The following ROS1 variants were observed in gnomAD, a reference collection of about 807,000 sequenced individuals.
The protein encoded by ROS1 is ROS proto-oncogene 1, receptor tyrosine kinase, also known as proto-oncogene tyrosine-protein kinase ROS.
A neutral mutation model predicts 273.5 loss-of-function variants in ROS1; 263 were observed. That is an observed-to-expected ratio of 0.96 (90% confidence interval 0.87 to 1.06). The LOEUF (loss-of-function observed/expected upper bound fraction) is 1.06, where lower values mean the gene tolerates loss of function less well. Ranked by LOEUF, ROS1 falls within the 50% of genes least tolerant of loss-of-function variation. ROS1 has a pLI of 0.00. For missense variants in ROS1, 2,833 were observed against 2,751.1 expected, an observed-to-expected ratio of 1.03 and a Z score of -0.67; for synonymous variants, 1,008 against 954.1, an observed-to-expected ratio of 1.06 and a Z score of -1.04.
At position 117,337,340 on chromosome 6, in the gene ROS1, A is replaced by G. The variant is rs112475836; in HGVS notation, c.5062T>C (p.Trp1688Arg). The change falls in exon 32 of 44, where the codon TGG (tryptophan) becomes CGG (arginine). Residue 1688 changes from tryptophan to arginine, a missense_variant and splice_region_variant. Transcript: ENST00000368507. ...ACATGGTAAAACTCATTGTATTTCC[A>G]CTAGAAAAAGAAGTCTCGATTAATA... ...LIRFWVELQKWKYNEFYHVKT... is the reference protein window; with the variant it reads ...LIRFWVELQKRKYNEFYHVKT... The G allele has an allele frequency of 6.3e-7, 1 of 1,587,722 alleles. No individual in the cohort carries two copies. Among genetic ancestry groups the G allele is most frequent in the Non-Finnish European group, 8.5e-7 (1 of 1,171,792 alleles).
In ROS1 at chr6:117,387,990, G is replaced by A. The variant is rs1438247113; in HGVS notation, c.1789C>T (p.Pro597Ser). 7.4e-6 allele frequency: 12 copies of A among 1,614,090 alleles called. 1 individual carries two copies. Among genetic ancestry groups the A allele is most frequent in the East Asian group, 2.2e-5 (1 of 44,880 alleles). The change falls in exon 14 of 44, where the codon CCT becomes TCT. Residue 597 changes from proline to serine, a missense_variant and splice_region_variant. Pro to Ser is a moderately conservative substitution (Grantham distance 74). Coordinates refer to ENST00000368507, the MANE Select transcript of ROS1 (RefSeq NM_001378902.1). ...TAGGTCCAGTTCTGCCAGGCAGAAG[G>A]GCCTAATTCAAAGAGTTCAATAATA... is the stretch of plus-strand genomic sequence containing the variant. ...KPPALAIGAS[P>S]SAWQNWTYEV...
intron 1 of ROS1, among the ~76,000 whole-genome samples, chr6:117,423,269 T>C (rs554189683): frequency 1.6e-4 from 25 of 152,246 alleles, no homozygotes; most frequent in African/African-American, 6.0e-4. Context: ...AATTTACTCA[T>C]GTAACCAAAT....
chr6:117,328,714 A>T (rs1776824594), intron 33 of ROS1: 1 of 612,454 alleles, frequency 1.6e-6, no homozygotes. Flanking sequence ...GCATGAAATC[A>T]GTCCTTCTAA....
At chr6:117,320,170 T>C (rs1186279913) in intron 36 of ROS1, 140 bp from the exon 37 acceptor site, 3 of 717,730 alleles carry the variant, frequency 4.2e-6, no homozygotes, top group Non-Finnish European at 6.7e-6. Flanking sequence ...TGTGACACGG[T>C]GATGTGGAAC....
chr6:117,420,328 A>C (rs964607304), intron 1 of ROS1, among the ~76,000 whole-genome samples: 2 of 149,892 alleles, frequency 1.3e-5, no homozygotes, highest in Non-Finnish European at 3.0e-5. Flanking sequence ...CAGATCTCAA[A>C]CTTTCTTAAC....
chr6:117,339,365 G>C (rs371916327), intron 31 of ROS1, among the ~76,000 whole-genome samples: 2 of 152,202 alleles, frequency 1.3e-5, no homozygotes, highest in East Asian at 1.9e-4. Flanking sequence ...TCATTTTTCA[G>C]ATAAGGAAAT....
At chr6:117,314,797 A>G (rs1461521607) in intron 39 of ROS1, among the ~76,000 whole-genome samples, 2 of 152,174 alleles carry the variant, frequency 1.3e-5, no homozygotes, top group Non-Finnish European at 2.9e-5. Flanking sequence ...CAGGGAAAAG[A>G]TTCAGTTACT....
rs1260300578 is a variant in ROS1, at chr6:117,326,089, GATTATATATATAT to G, written c.5539+122_5539+134del. 783 of 166,652 alleles carry G rather than the reference GATTATATATATAT, an allele frequency of 4.7e-3. 3 individuals carry two copies. Among genetic ancestry groups the G allele is most frequent in the Middle Eastern group, 5.3e-3 (3 of 562 alleles). 10.3% of individuals were successfully genotyped at this position (166,652 alleles called of 1,614,324 possible). On this transcript the variant is annotated intron_variant, in intron 34 of 43. Coordinates refer to ENST00000368507, the MANE Select transcript of ROS1 (RefSeq NM_001378902.1). ...AATAGTTTAATAGTTTGGATAATAA[GATTATATATATAT>G]ATATATATATATATATATATATATA...
intron 5 of ROS1, among the ~76,000 whole-genome samples, chr6:117,404,833 A>G (rs554809454): frequency 6.6e-6 from 1 of 152,310 alleles, no homozygotes; most frequent in Non-Finnish European, 1.5e-5. Flanking sequence ...TATTTCTGAA[A>G]TTTTATACTC....
Position 117,301,031 on chromosome 6 carries a change from T to A in ROS1, c.6658A>T (p.Ile2220Phe). Reference protein sequence around the residue: ...QLFRNFFLNSIYKSRDEANNS... With the variant: ...QLFRNFFLNSFYKSRDEANNS... ...TTTGCTTCATCTCTGGACTTATAAATGCTATTTAAGAAAAAATTTCTGAAT... is the reference window on the plus strand; with the variant it reads ...TTTGCTTCATCTCTGGACTTATAAAAGCTATTTAAGAAAAAATTTCTGAAT... Residue 2220 changes from isoleucine to phenylalanine, a missense_variant, in exon 43 of 44, where the codon ATT (isoleucine) becomes TTT (phenylalanine). By Grantham distance (21) the Ile-to-Phe change is conservative (BLOSUM62 0). Coordinates refer to ENST00000368507, the MANE Select transcript of ROS1 (RefSeq NM_001378902.1). The A allele has an allele frequency of 6.2e-7, 1 of 1,606,038 alleles. No homozygotes were observed. The highest frequency in any genetic ancestry group is 1.1e-5 in the South Asian group (1 of 88,500).
At chr6:117,367,714 T>A (rs930902232) in intron 18 of ROS1, among the ~76,000 whole-genome samples, 3 of 152,232 alleles carry the variant, frequency 2.0e-5, no homozygotes, top group Non-Finnish European at 4.4e-5. Context: ...AGGCAAATAA[T>A]TTAACCTCTC....
In ROS1 at chr6:117,394,637, C is replaced by T. The variant is rs148185831; in HGVS notation, c.985G>A (p.Ala329Thr). The T allele has an allele frequency of 5.2e-5, 84 of 1,610,654 alleles. No individual in the cohort carries two copies. The African/African-American group carries it at 1.0e-3, about 19-fold the overall frequency. Reference sequence around the variant, plus strand: ...TGACCTGTAATATTATGGTATATAGCATCCAACCGAAGGCAATGTGCTTCA... The same window carrying T: ...TGACCTGTAATATTATGGTATATAGTATCCAACCGAAGGCAATGTGCTTCA... Reference protein sequence around the residue: ...VDEAHCLRLDAIYHNITGISV... With the variant: ...VDEAHCLRLDTIYHNITGISV... Residue 329 changes from alanine to threonine, a missense_variant, in exon 10 of 44, where the codon GCT becomes ACT. Physicochemically the swap from Ala to Thr is moderately conservative, Grantham distance 58. Transcript: ENST00000368507.
At chr6:117,322,320 T>C (rs1776341449) in intron 35 of ROS1, among the ~76,000 whole-genome samples, 1 of 152,148 alleles carries the variant, frequency 6.6e-6, no homozygotes, top group South Asian at 2.1e-4. Flanking sequence ...ACATCCTCAA[T>C]GATGCCTTCT....
chr6:117,358,134 T>A (rs1779484942), intron 24 of ROS1, 125 bp from the exon 25 acceptor site: 2 of 638,458 alleles, frequency 3.1e-6, no homozygotes, highest in African/African-American at 1.8e-5. Flanking sequence ...ACCTCAGCAA[T>A]CTGGACGGTA....
At chr6:117,295,752 T>C (rs541375131) in intron 43 of ROS1, among the ~76,000 whole-genome samples, 6 of 152,320 alleles carry the variant, frequency 3.9e-5, no homozygotes, top group African/African-American at 9.6e-5. Context: ...CTCAACATCA[T>C]TGATCATCAC....
At chr6:117,389,950 C>T in intron 12 of ROS1, 104 bp from the exon 13 acceptor site, 1 of 1,007,136 alleles carries the variant, frequency 9.9e-7, no homozygotes, top group Non-Finnish European at 1.5e-6. Context: ...AACTATGTAT[C>T]TCTGATGTTG....
rs149258740 is a variant in ROS1, at chr6:117,389,468, G to A, written c.1668C>T (p.Ile556=). 1,516 of 1,614,178 alleles carry A rather than the reference G, an allele frequency of 9.4e-4. No individual in the cohort carries two copies. The highest frequency in any genetic ancestry group is 1.2e-3 in the Non-Finnish European group (1,415 of 1,180,034). The part of the protein sequence containing the change: ...IEEFGFGNLV[I]FGSSSQLHPL... ...GGTGCAGCTGGGAGGATGAGCCAAA[G>A]ATGACCAAGTTACCAAACCCAAATT... Residue 556 remains isoleucine, a synonymous_variant, in exon 13 of 44, where the codon ATC becomes ATT. Coordinates refer to ENST00000368507, the MANE Select transcript of ROS1 (RefSeq NM_001378902.1).
chr6:117,371,629 G>C (rs1780780442), intron 18 of ROS1, among the ~76,000 whole-genome samples: 1 of 152,184 alleles, frequency 6.6e-6, no homozygotes, highest in Non-Finnish European at 1.5e-5. Flanking sequence ...AACCATGACA[G>C]GTGGGAGGTA....
At chr6:117,343,956 T>G in intron 28 of ROS1, 104 bp downstream of exon 28, 3 of 924,030 alleles carry the variant, frequency 3.2e-6, no homozygotes, top group Non-Finnish European at 3.3e-6. Context: ...AGTTGCGTAC[T>G]AGTCCATTTC....
Sources: gnomAD v4.1 joint callset for allele counts (sites outside exome capture counted in the v4.1 genomes callset) on GRCh38, gnomAD v4.1.1 for gene constraint, MANE v1.5 for transcripts, NCBI Gene and HGNC (gene_info 2026-07-23, HGNC 2026-07-21) for gene names.